GIGYF2: variants seen among roughly 807,000 people sequenced by gnomAD.
GIGYF2 encodes the protein GRB10-interacting GYF protein 2.
Under a neutral mutation model 208.1 loss-of-function variants are expected in GIGYF2, and 25 were observed. The ratio of observed to expected loss-of-function variants is 0.12; its 90% CI spans 0.09 to 0.17. The LOEUF (loss-of-function observed/expected upper bound fraction) is 0.17, where lower values mean the gene tolerates loss of function less well. GIGYF2 is among the 10% of genes least tolerant of loss of function. GIGYF2 has a pLI of 1.00. For synonymous variants in GIGYF2, 534 were observed against 543.8 expected (o/e 0.98, Z 0.25); for missense variants, 1,302 against 1,579.4 (o/e 0.82, Z 2.98).
intron 22 of GIGYF2, among the ~76,000 whole-genome samples, chr2:232,836,321 T>A (rs373211143): frequency 0.024 from 461 of 19,566 alleles, 37 homozygotes; most frequent in African/African-American, 0.052. Context: ...TATATATATA[T>A]ATATATATAC....
chr2:232,713,038 G>A (rs752792777), intron 2 of GIGYF2, among the ~76,000 whole-genome samples: 21 of 151,794 alleles, frequency 1.4e-4, no homozygotes, highest in Admixed American at 2.6e-4. Context: ...ACTAGCTGGT[G>A]TGACTGAGGA....
intron 21 of GIGYF2, among the ~76,000 whole-genome samples, chr2:232,830,432 G>A (rs1328063837): frequency 1.3e-5 from 2 of 152,110 alleles, no homozygotes; most frequent in East Asian, 3.9e-4. Flanking sequence ...TTAAGACATA[G>A]ATTTTTTTTT....
intron 6 of GIGYF2, among the ~76,000 whole-genome samples, chr2:232,759,226 T>A (rs575196893): frequency 9.2e-5 from 14 of 152,178 alleles, no homozygotes; most frequent in Non-Finnish European, 1.6e-4. Flanking sequence ...TTAGCTCAAT[T>A]ATATTTAGCT....
intron 21 of GIGYF2, among the ~76,000 whole-genome samples, chr2:232,821,545 T>C (rs1701081291): frequency 6.6e-6 from 1 of 152,216 alleles, no homozygotes; most frequent in Non-Finnish European, 1.5e-5. Flanking sequence ...TGTATACTTT[T>C]AGCTCTTACT....
chr2:232,755,918 T>C (rs1000036503), intron 5 of GIGYF2, among the ~76,000 whole-genome samples: 3 of 152,372 alleles, frequency 2.0e-5, no homozygotes, highest in African/African-American at 7.2e-5. Flanking sequence ...TTTCCCTATC[T>C]ACTTGTGTAT....
chr2:232,713,524 C>T (rs542465187), intron 2 of GIGYF2, among the ~76,000 whole-genome samples: 3 of 152,284 alleles, frequency 2.0e-5, no homozygotes, highest in African/African-American at 7.2e-5. Flanking sequence ...AATTAATAAA[C>T]CAATGTTGAT....
chr2:232,746,828 T>C (rs1221742331), intron 3 of GIGYF2, among the ~76,000 whole-genome samples: 1 of 152,202 alleles, frequency 6.6e-6, no homozygotes, highest in East Asian at 1.9e-4. Flanking sequence ...ATATAAATTG[T>C]GATAAACACC....
chr2:232,784,255 G>A (rs1012176825), intron 8 of GIGYF2, among the ~76,000 whole-genome samples: 1 of 152,070 alleles, frequency 6.6e-6, no homozygotes, highest in Non-Finnish European at 1.5e-5. Flanking sequence ...CTTGAGGCCA[G>A]AAGTTCAAGA....
intron 21 of GIGYF2, among the ~76,000 whole-genome samples, chr2:232,820,609 C>A (rs751037441): frequency 6.6e-6 from 1 of 152,030 alleles, no homozygotes; most frequent in African/African-American, 2.4e-5. Context: ...CTGCTGTGCC[C>A]GGCCATCACC....
At chr2:232,717,963 C>T (rs545886717) in intron 2 of GIGYF2, among the ~76,000 whole-genome samples, 332 of 152,202 alleles carry the variant, frequency 2.2e-3, no homozygotes, top group African/African-American at 7.7e-3. Flanking sequence ...AACCATAGTA[C>T]TCTTCTTGAA....
chr2:232,775,479 C>T (rs761173817), intron 8 of GIGYF2, among the ~76,000 whole-genome samples: 8 of 152,048 alleles, frequency 5.3e-5, no homozygotes, highest in African/African-American at 1.7e-4. Flanking sequence ...GATGTCTGCT[C>T]GTATGGTTTA....
At chr2:232,774,402 C>T (rs1699423953) in intron 8 of GIGYF2, among the ~76,000 whole-genome samples, 1 of 152,144 alleles carries the variant, frequency 6.6e-6, no homozygotes, top group African/African-American at 2.4e-5. Flanking sequence ...TGAAGATTAT[C>T]ACAGTCTGAA....
chr2:232,830,094 T>G (rs1194425241), intron 21 of GIGYF2, among the ~76,000 whole-genome samples: 1 of 152,142 alleles, frequency 6.6e-6, no homozygotes, highest in Non-Finnish European at 1.5e-5. Flanking sequence ...GATCCTCCTG[T>G]CTCAGCCTCT....
At position 232,747,601 on chromosome 2, in the gene GIGYF2, C is replaced by T; in HGVS notation, c.42-14C>T. The T allele has an allele frequency of 6.2e-7, 1 of 1,613,722 alleles. No individual in the cohort carries two copies. Among genetic ancestry groups the T allele is most frequent in the Non-Finnish European group, 8.5e-7 (1 of 1,179,674 alleles). On this transcript the variant is annotated splice_polypyrimidine_tract_variant and intron_variant, in intron 3 of 28. Transcript: ENST00000373563. ...CCAGAATGTTTGACATATTCTCTGT[C>T]TTTTCTATTCTAGGCTCCGAGCTCT...
intron 27 of GIGYF2, among the ~76,000 whole-genome samples, chr2:232,848,284 C>T (rs1260889202): frequency 6.6e-6 from 1 of 152,176 alleles, no homozygotes; most frequent in East Asian, 1.9e-4. Context: ...TCCTAAGGCA[C>T]CTCACAGCCT....
In GIGYF2 at chr2:232,742,573, A is replaced by C. The variant is rs371134521; in HGVS notation, c.42-5042A>C. On this transcript the variant is annotated intron_variant, in intron 3 of 28. Transcript: ENST00000373563. ...CTCAAAAATAAATAAATAAATAAAT[A>C]GTTCTTAGTAACGTAGGAGATTAAG... Among the ~76,000 whole-genome samples, 27 of 152,174 alleles carry C rather than the reference A, an allele frequency of 1.8e-4. 1 individual carries two copies. The highest frequency in any genetic ancestry group is 1.4e-3 in the Admixed American group (22 of 15,280).
intron 8 of GIGYF2, among the ~76,000 whole-genome samples, chr2:232,785,850 C>T (rs770787683): frequency 1.3e-5 from 2 of 152,058 alleles, no homozygotes; most frequent in African/African-American, 2.4e-5. Flanking sequence ...TGCTGTTGTT[C>T]AATTATTTTT....
Position 232,779,777 on chromosome 2 carries a change from G to A in GIGYF2, c.533-7373G>A, listed in dbSNP as rs569233383. Among the ~76,000 whole-genome samples the A allele has an allele frequency of 9.8e-5, 15 of 152,288 alleles. No homozygotes were observed. The South Asian group carries it at 3.1e-3, about 32-fold the overall frequency. On this transcript the variant is annotated intron_variant, in intron 8 of 28. Coordinates refer to ENST00000373563, the MANE Select transcript of GIGYF2 (RefSeq NM_001103146.3). ...AGGACTCTTGTTAACCAGCTGAGCA[G>A]GTTATTTATTCCTCAGGGAGAAAGT... is the stretch of plus-strand genomic sequence containing the variant.
intron 2 of GIGYF2, among the ~76,000 whole-genome samples, chr2:232,709,680 G>A (rs894033338): frequency 1.3e-4 from 19 of 151,698 alleles, no homozygotes; most frequent in African/African-American, 4.4e-4. Flanking sequence ...GTGGTGGTGC[G>A]GGCCTATAAT....
Sources: allele counts gnomAD v4.1 joint callset (sites outside exome capture counted in the v4.1 genomes callset), GRCh38; gene constraint gnomAD v4.1.1; transcripts MANE v1.5; gene names NCBI Gene and HGNC (gene_info 2026-07-23, HGNC 2026-07-21).